The following GSAP variants were observed in gnomAD, a reference collection of about 807,000 sequenced individuals.
The protein encoded by GSAP is gamma-secretase-activating protein.
GSAP carries 118 observed loss-of-function variants against 131.7 expected under a neutral mutation model. The ratio of observed to expected loss-of-function variants is 0.90; its 90% CI spans 0.77 to 1.04. The LOEUF (loss-of-function observed/expected upper bound fraction) is 1.04. Ranked by LOEUF, GSAP falls within the 50% of genes least tolerant of loss-of-function variation. The pLI is 0.00. For synonymous variants in GSAP, 381 were observed against 363.4 expected (o/e 1.05, Z -0.55); for missense variants, 1,019 against 1,013.2 (o/e 1.01, Z -0.08).
intron 19 of GSAP, chr7:77,331,850 C>T (rs945022339): frequency 1.4e-4 from 20 of 144,170 alleles, no homozygotes; most frequent in Non-Finnish European, 2.8e-4. Context: ...TTATAATGAA[C>T]GTACACTTAT....
intron 19 of GSAP, chr7:77,330,841 T>C: frequency 1.0e-6 from 1 of 983,258 alleles, no homozygotes; most frequent in Non-Finnish European, 1.2e-6. Flanking sequence ...CAGGACATTT[T>C]TCAAAACCTA....
At position 77,397,013 on chromosome 7, in the gene GSAP, A is replaced by T. The variant is rs772073870; in HGVS notation, c.336T>A (p.Thr112=). Reference sequence around the variant, plus strand: ...GAAGTTCGTTCCTTTTTCCTTCTTTAGTAGACTGAACTAAACTTGCAGCTA... The same window carrying T: ...GAAGTTCGTTCCTTTTTCCTTCTTTTGTAGACTGAACTAAACTTGCAGCTA... ...TLLAASLVQS[T]KEGKRNELQP... The change falls in exon 5 of 31, where the codon ACT becomes ACA. Residue 112 remains threonine (T), a synonymous_variant. Transcript: ENST00000257626. 1 of 1,601,108 alleles carries T rather than the reference A, an allele frequency of 6.2e-7. No homozygotes were observed. The highest frequency in any genetic ancestry group is 8.5e-7 in the Non-Finnish European group (1 of 1,170,980).
At chr7:77,370,284 C>T (rs1016737893) in intron 12 of GSAP, among the ~76,000 whole-genome samples, 1 of 152,096 alleles carries the variant, frequency 6.6e-6, no homozygotes, top group African/African-American at 2.4e-5. Context: ...ATGGCGAAAC[C>T]CCGTCTCCAC....
At chr7:77,410,190 T>C (rs1196648205) in intron 1 of GSAP, among the ~76,000 whole-genome samples, 1 of 152,220 alleles carries the variant, frequency 6.6e-6, no homozygotes, top group Non-Finnish European at 1.5e-5. Context: ...AATAATGTTT[T>C]CATGGGAACA....
chr7:77,411,678 T>C (rs910715326), intron 1 of GSAP, among the ~76,000 whole-genome samples: 10 of 152,204 alleles, frequency 6.6e-5, no homozygotes, highest in Non-Finnish European at 8.8e-5. Flanking sequence ...ATTGTAAAGA[T>C]GCCAATTCTC....
intron 11 of GSAP, among the ~76,000 whole-genome samples, chr7:77,374,714 TCAA>T (rs1235865860): frequency 6.6e-6 from 1 of 152,126 alleles, no homozygotes. Context: ...CTCTTTGATG[TCAA>T]CAAAAAGGGT....
chr7:77,368,151 G>A (rs1223837437), intron 12 of GSAP, among the ~76,000 whole-genome samples: 1 of 152,166 alleles, frequency 6.6e-6, no homozygotes, highest in Non-Finnish European at 1.5e-5. Flanking sequence ...TCCCTGGGTG[G>A]TGGAAGTTCC....
intron 1 of GSAP, among the ~76,000 whole-genome samples, chr7:77,413,741 GGA>G (rs1379261647): frequency 6.6e-6 from 1 of 152,156 alleles, no homozygotes; most frequent in Admixed American, 6.5e-5. Context: ...TGCCAACCTA[GGA>G]GGTGAGGATG....
chr7:77,400,658 A>C (rs1414935395), intron 3 of GSAP, among the ~76,000 whole-genome samples: 1 of 152,226 alleles, frequency 6.6e-6, no homozygotes, highest in Non-Finnish European at 1.5e-5. Context: ...AAACATCCAG[A>C]GTTTCATAAT....
intron 27 of GSAP, among the ~76,000 whole-genome samples, 181 bp downstream of exon 27, chr7:77,314,189 G>A (rs145675914): frequency 2.6e-4 from 40 of 152,290 alleles, no homozygotes; most frequent in Admixed American, 7.8e-4. Flanking sequence ...AAATGAACAC[G>A]AGCAAGCCCT....
chr7:77,331,595 A>C (rs989057240), intron 19 of GSAP, among the ~76,000 whole-genome samples: 2 of 152,248 alleles, frequency 1.3e-5, no homozygotes, highest in Non-Finnish European at 2.9e-5. Flanking sequence ...GCACATTATT[A>C]CCATTTTTAT....
Position 77,377,327 on chromosome 7 carries a change from A to C in GSAP, c.640T>G (p.Trp214Gly). The C allele has an allele frequency of 1.3e-6, 2 of 1,576,646 alleles. No individual in the cohort carries two copies. Among genetic ancestry groups the C allele is most frequent in the Non-Finnish European group, 1.7e-6 (2 of 1,163,322 alleles). ...RIAEDFVWAQ[W>G]DMSEQRLYYI... ...TATAATCTCTGTTCTGACATATCCC[A>C]CTGAGCCCAAACGAAATCCTCAGCT... The change falls in exon 9 of 31, where the codon TGG becomes GGG. Residue 214 changes from tryptophan (W) to glycine (G), a missense_variant. By Grantham distance (184) the Trp-to-Gly change is radical. Coordinates refer to ENST00000257626, the MANE Select transcript of GSAP (RefSeq NM_017439.4).
chr7:77,406,950 G>A (rs1802380015), intron 1 of GSAP, among the ~76,000 whole-genome samples: 1 of 152,210 alleles, frequency 6.6e-6, no homozygotes, highest in Non-Finnish European at 1.5e-5. Flanking sequence ...TCTGCTAAAG[G>A]CCTCTGATAA....
intron 1 of GSAP, among the ~76,000 whole-genome samples, chr7:77,414,904 C>T (rs186975420): frequency 5.9e-4 from 69 of 116,640 alleles, no homozygotes; most frequent in East Asian, 8.8e-4. Flanking sequence ...GTTGCCCAGG[C>T]TGGAGTGCAG....
Position 77,386,123 on chromosome 7 carries a change from T to C in GSAP, c.456+1237A>G, listed in dbSNP as rs533258826. 3.2e-4 allele frequency among the ~76,000 whole-genome samples: 49 copies of C among 152,236 alleles called. 1 individual carries two copies. Among genetic ancestry groups the C allele is most frequent in the African/African-American group, 8.2e-4 (34 of 41,526 alleles). ...ATCCCAAATGCCATAATCCTAAATA[T>C]TGAAATCCCAAAAGATCAAAATCCC... On this transcript the variant is annotated intron_variant, in intron 6 of 30. Transcript: ENST00000257626.
chr7:77,331,517 T>C (rs1789151275), intron 19 of GSAP, among the ~76,000 whole-genome samples: 1 of 151,922 alleles, frequency 6.6e-6, no homozygotes, highest in African/African-American at 2.4e-5. Context: ...GCAAGAAAAA[T>C]AAGAAAACTT....
chr7:77,414,844 C>CCTTTTTTTTT (rs1803991224), intron 1 of GSAP, among the ~76,000 whole-genome samples: 2 of 59,858 alleles, frequency 3.3e-5, no homozygotes, highest in African/African-American at 1.5e-4. Context: ...ATGTGGGCGA[C>CCTTTTTTTTT]TTTTTTTTTT....
At chr7:77,319,427 T>C (rs4729323) in intron 26 of GSAP, among the ~76,000 whole-genome samples, 91,832 of 152,074 alleles carry the variant, frequency 0.6, 28,782 homozygotes, top group African/African-American at 0.78. Flanking sequence ...GAAATTGGAA[T>C]CCTTATACAC....
At position 77,378,355 on chromosome 7, in the gene GSAP, A is replaced by T. The variant is rs142065374; in HGVS notation, c.577-965T>A. On this transcript the variant is annotated intron_variant, in intron 8 of 30. Transcript: ENST00000257626. ...AAAAATTAGCCAGGCATGGTGGTGC[A>T]TGCCTGTAATCCCAGCTAATCAGGA... 3.1e-3 allele frequency among the ~76,000 whole-genome samples: 469 copies of T among 152,142 alleles called. 3 individuals are homozygous for T. The highest frequency in any genetic ancestry group is 9.5e-3 in the African/African-American group (394 of 41,504).
Sources: allele counts gnomAD v4.1 joint callset (sites outside exome capture counted in the v4.1 genomes callset), GRCh38; gene constraint gnomAD v4.1.1; transcripts MANE v1.5; gene names NCBI Gene and HGNC (gene_info 2026-07-23, HGNC 2026-07-21).